Variants in RBMS3 observed in about 807,000 individuals in gnomAD.
RBMS3 encodes the protein RNA-binding motif, single-stranded-interacting protein 3.
A neutral mutation model predicts 66.8 loss-of-function variants in RBMS3; 27 were observed. The observed-to-expected ratio is 0.40, with a 90% CI of 0.30 to 0.56. The LOEUF (loss-of-function observed/expected upper bound fraction) is 0.56. Among genes scored for constraint, RBMS3 ranks in the 20% least tolerant of loss-of-function variants. The pLI is 0.40. For synonymous variants in RBMS3, 188 were observed against 183.0 expected (o/e 1.03, Z -0.22); for missense variants, 513 against 549.5 (o/e 0.93, Z 0.66).
chr3:29,601,785 C>T (rs2048153362), intron 4 of RBMS3, among the ~76,000 whole-genome samples: 1 of 151,960 alleles, frequency 6.6e-6, no homozygotes, highest in East Asian at 1.9e-4. Flanking sequence ...AATTCAGACT[C>T]TCAGTCTTTT....
intron 4 of RBMS3, among the ~76,000 whole-genome samples, chr3:29,699,128 T>C (rs1310146220): frequency 2.0e-5 from 3 of 152,168 alleles, no homozygotes; most frequent in Non-Finnish European, 4.4e-5. Context: ...AAGTACCTTC[T>C]TGAAAGAAGG....
intron 2 of RBMS3, among the ~76,000 whole-genome samples, chr3:29,450,877 G>A (rs777854390): frequency 1.3e-5 from 2 of 149,716 alleles, no homozygotes; most frequent in Non-Finnish European, 3.0e-5. Context: ...CCACCAGCAC[G>A]TAACAGTCTA....
intron 7 of RBMS3, among the ~76,000 whole-genome samples, chr3:29,869,315 A>C (rs1439415793): frequency 6.6e-6 from 1 of 152,144 alleles, no homozygotes; most frequent in Non-Finnish European, 1.5e-5. Context: ...CAGTGAAATC[A>C]ATAGGGAAAG....
intron 3 of RBMS3, among the ~76,000 whole-genome samples, chr3:29,491,960 T>G: frequency 6.6e-6 from 1 of 151,252 alleles, no homozygotes; most frequent in Non-Finnish European, 1.5e-5. Context: ...GCCACTGCAC[T>G]CCAGCCTGGG....
chr3:29,748,705 C>T (rs1189108653), intron 5 of RBMS3, among the ~76,000 whole-genome samples: 1 of 152,126 alleles, frequency 6.6e-6, no homozygotes, highest in Non-Finnish European at 1.5e-5. Context: ...TTTTGCATAC[C>T]TCACATAGCT....
intron 1 of RBMS3, among the ~76,000 whole-genome samples, chr3:29,297,153 C>T (rs1365025991): frequency 6.6e-6 from 1 of 151,524 alleles, no homozygotes; most frequent in East Asian, 2.0e-4. Context: ...ATACGATTTC[C>T]CCAGAGTTTC....
At chr3:29,312,054 A>T (rs901303294) in intron 1 of RBMS3, among the ~76,000 whole-genome samples, 1 of 151,790 alleles carries the variant, frequency 6.6e-6, no homozygotes, top group Non-Finnish European at 1.5e-5. Flanking sequence ...GTCCATCTGC[A>T]TGGTAGAGAG....
chr3:29,682,647 C>T (rs1311060661), intron 4 of RBMS3, among the ~76,000 whole-genome samples: 4 of 152,088 alleles, frequency 2.6e-5, no homozygotes, highest in Admixed American at 1.3e-4. Context: ...GTTTGGGGAG[C>T]GAACTGCTGC....
At chr3:29,670,205 C>T (rs532347065) in intron 4 of RBMS3, among the ~76,000 whole-genome samples, 1 of 152,264 alleles carries the variant, frequency 6.6e-6, no homozygotes, top group Non-Finnish European at 1.5e-5. Context: ...TCATGTGTTC[C>T]TTCCCCCATC....
chr3:29,332,382 G>C (rs1181496610), intron 1 of RBMS3, among the ~76,000 whole-genome samples: 1 of 151,892 alleles, frequency 6.6e-6, no homozygotes, highest in African/African-American at 2.4e-5. Flanking sequence ...TGTTTTTTCA[G>C]TTCTCTCTCT....
chr3:29,432,842 G>T (rs2041260464), intron 1 of RBMS3, among the ~76,000 whole-genome samples: 1 of 152,174 alleles, frequency 6.6e-6, no homozygotes, highest in Non-Finnish European at 1.5e-5. Context: ...TGAAAAGTTG[G>T]GAGTACCACA....
intron 10 of RBMS3, among the ~76,000 whole-genome samples, chr3:29,933,064 A>T (rs969906644): frequency 2.0e-5 from 3 of 152,208 alleles, no homozygotes; most frequent in Non-Finnish European, 4.4e-5. Flanking sequence ...CAGAGATGCT[A>T]AAATGAAAAA....
At chr3:29,859,736 G>T (rs546877715) in intron 6 of RBMS3, among the ~76,000 whole-genome samples, 100 of 152,308 alleles carry the variant, frequency 6.6e-4, no homozygotes, top group African/African-American at 2.2e-3. Flanking sequence ...AGCTTCCTTT[G>T]CCATATGCAG....
intron 1 of RBMS3, among the ~76,000 whole-genome samples, chr3:29,403,178 A>G (rs1306662604): frequency 3.3e-5 from 5 of 152,078 alleles, no homozygotes; most frequent in Non-Finnish European, 5.9e-5. Flanking sequence ...CTAATTTCCT[A>G]TAGTTCATTA....
chr3:29,424,852 T>C (rs1447503687), intron 1 of RBMS3, among the ~76,000 whole-genome samples: 2 of 152,202 alleles, frequency 1.3e-5, no homozygotes, highest in Non-Finnish European at 2.9e-5. Context: ...AAATGCCTCA[T>C]TATTATCTGA....
intron 4 of RBMS3, among the ~76,000 whole-genome samples, chr3:29,726,855 A>G (rs2053901042): frequency 6.6e-6 from 1 of 152,138 alleles, no homozygotes; most frequent in South Asian, 2.1e-4. Context: ...GCAAAATTAG[A>G]AAAAAAGTAC....
At position 29,988,140 on chromosome 3, in the gene RBMS3, T is replaced by C. The variant is rs114529887; in HGVS notation, c.1099-3T>C. On this transcript the variant is annotated splice_polypyrimidine_tract_variant and splice_region_variant and intron_variant, in intron 12 of 14. Coordinates refer to ENST00000383767, the MANE Select transcript of RBMS3 (RefSeq NM_001003793.3). ...ACATGCATTTTTCTTTGATTCTCTC[T>C]AGTATATGACTGCTGCTGCTCCTAT... 8.3e-4 allele frequency: 1,330 copies of C among 1,608,516 alleles called. 9 individuals are homozygous for C. The African/African-American group carries it at 0.016, about 19-fold the overall frequency.
intron 1 of RBMS3, among the ~76,000 whole-genome samples, chr3:29,349,076 G>T (rs2036751975): frequency 6.6e-6 from 1 of 152,100 alleles, no homozygotes; most frequent in Non-Finnish European, 1.5e-5. Flanking sequence ...TTCTTACCAG[G>T]TCTCTCTCTT....
chr3:29,807,009 C>T (rs887298752), intron 6 of RBMS3, among the ~76,000 whole-genome samples: 1 of 151,832 alleles, frequency 6.6e-6, no homozygotes, highest in African/African-American at 2.4e-5. Flanking sequence ...TCTACTTTGA[C>T]TATATGCATT....
Sources: gnomAD v4.1 joint callset for allele counts (sites outside exome capture counted in the v4.1 genomes callset) on GRCh38, gnomAD v4.1.1 for gene constraint, MANE v1.5 for transcripts, NCBI Gene and HGNC (gene_info 2026-07-23, HGNC 2026-07-21) for gene names.